Variants in CHD9 observed in about 807,000 individuals in gnomAD.
CHD9 encodes ATP-dependent chromatin remodeler CHD9.
CHD9 carries 77 observed loss-of-function variants against 316.1 expected under a neutral mutation model. The ratio of observed to expected loss-of-function variants is 0.24; its 90% CI spans 0.20 to 0.29. The LOEUF (loss-of-function observed/expected upper bound fraction) is 0.29. Among genes scored for constraint, CHD9 ranks in the 10% least tolerant of loss-of-function variants. CHD9 has a pLI of 1.00. For synonymous variants in CHD9, 1,129 were observed against 1,158.3 expected (o/e 0.97, Z 0.51); for missense variants, 2,763 against 3,438.1 (o/e 0.80, Z 4.91).
chr16:53,174,640 A>G (rs754241794), intron 2 of CHD9, among the ~76,000 whole-genome samples: 1 of 151,828 alleles, frequency 6.6e-6, no homozygotes, highest in Non-Finnish European at 1.5e-5. Context: ...ACAGAGCCTC[A>G]CTCTGTCACC....
intron 20 of CHD9, among the ~76,000 whole-genome samples, chr16:53,264,285 C>T (rs2051433445): frequency 6.6e-6 from 1 of 151,868 alleles, no homozygotes; most frequent in Admixed American, 6.6e-5. Context: ...ACTCAGGAAT[C>T]GGCCCTGCAG....
chr16:53,183,854 T>G (rs368840375), intron 2 of CHD9, among the ~76,000 whole-genome samples: 8 of 152,262 alleles, frequency 5.3e-5, no homozygotes, highest in African/African-American at 1.7e-4. Context: ...TTGTTAATCT[T>G]TCCAAACTTT....
intron 2 of CHD9, among the ~76,000 whole-genome samples, chr16:53,195,098 A>C (rs1001207087): frequency 6.6e-6 from 1 of 152,160 alleles, no homozygotes; most frequent in African/African-American, 2.4e-5. Flanking sequence ...AAAATACACA[A>C]ATTAAAAGTG....
intron 2 of CHD9, among the ~76,000 whole-genome samples, chr16:53,174,687 C>T (rs1038570785): frequency 3.4e-4 from 51 of 152,160 alleles, no homozygotes; most frequent in African/African-American, 1.2e-3. Flanking sequence ...TGGCTCTGTG[C>T]AGCTTCAATG....
At position 53,089,047 on chromosome 16, in the gene CHD9, G is replaced by A. The variant is rs577016230; in HGVS notation, c.-165+33970G>A. On this transcript the variant is annotated intron_variant, in intron 1 of 38. Coordinates refer to ENST00000447540, the MANE Select transcript of CHD9 (RefSeq NM_001308319.2). ...GAATCGCTTGAACCTGGGAGGCGGAGGTTGCAGTGAGCCGAGATCGTGCCA... is the reference window on the plus strand; with the variant it reads ...GAATCGCTTGAACCTGGGAGGCGGAAGTTGCAGTGAGCCGAGATCGTGCCA... 7.0e-4 allele frequency among the ~76,000 whole-genome samples: 106 copies of A among 152,238 alleles called. 1 individual carries two copies. Among genetic ancestry groups the A allele is most frequent in the African/African-American group, 2.5e-3 (103 of 41,552 alleles).
intron 12 of CHD9, among the ~76,000 whole-genome samples, chr16:53,239,563 C>G (rs557886149): frequency 6.6e-6 from 1 of 152,204 alleles, no homozygotes; most frequent in South Asian, 2.1e-4. Flanking sequence ...AAAGGTTTAT[C>G]TCCTGGCACC....
chr16:53,222,888 G>A (rs1365294831), intron 4 of CHD9, 133 bp downstream of exon 4: 1 of 540,918 alleles, frequency 1.8e-6, no homozygotes, highest in East Asian at 3.1e-5. Flanking sequence ...GTTGAAGGTA[G>A]CATTATTACA....
At chr16:53,127,926 G>T in intron 1 of CHD9, among the ~76,000 whole-genome samples, 1 of 128,444 alleles carries the variant, frequency 7.8e-6, no homozygotes, top group African/African-American at 2.9e-5. Context: ...CTGGCCGACA[G>T]AGTGAGACTC....
At chr16:53,129,178 A>C (rs536801845) in intron 1 of CHD9, among the ~76,000 whole-genome samples, 3 of 152,236 alleles carry the variant, frequency 2.0e-5, no homozygotes, top group African/African-American at 7.2e-5. Context: ...GGCTGCATTC[A>C]AGAAAACACG....
At chr16:53,128,691 C>T (rs1038082450) in intron 1 of CHD9, among the ~76,000 whole-genome samples, 2 of 152,182 alleles carry the variant, frequency 1.3e-5, no homozygotes, top group African/African-American at 4.8e-5. Flanking sequence ...TCAGAGCCAA[C>T]CTCTGCAACA....
intron 34 of CHD9, among the ~76,000 whole-genome samples, chr16:53,313,586 G>A (rs1267947694): frequency 2.0e-5 from 3 of 151,946 alleles, no homozygotes; most frequent in South Asian, 2.1e-4. Context: ...GATTACAGGC[G>A]TGAGCCACTA....
chr16:53,273,991 A>C (rs780310460), intron 23 of CHD9, among the ~76,000 whole-genome samples: 1 of 152,144 alleles, frequency 6.6e-6, no homozygotes, highest in African/African-American at 2.4e-5. Flanking sequence ...CTGGCCTCCA[A>C]ATGAGCTCAT....
intron 1 of CHD9, among the ~76,000 whole-genome samples, chr16:53,131,557 G>A (rs910740871): frequency 4.6e-5 from 7 of 151,428 alleles, no homozygotes; most frequent in African/African-American, 1.7e-4. Context: ...CCGGGGTCGG[G>A]ACACGGCAGC....
intron 28 of CHD9, 117 bp from the exon 29 acceptor site, chr16:53,292,714 AAT>A (rs2054446180): frequency 1.3e-6 from 1 of 746,388 alleles, no homozygotes; most frequent in East Asian, 2.7e-5. Context: ...TAGGATGAGA[AAT>A]ATGTTTTTTT....
chr16:53,076,519 G>A (rs2152525409), intron 1 of CHD9, among the ~76,000 whole-genome samples: 1 of 152,194 alleles, frequency 6.6e-6, no homozygotes, highest in South Asian at 2.1e-4. Flanking sequence ...AGGTTGCAAT[G>A]AGCCGAGATC....
At chr16:53,301,911 G>A (rs2055474446) in intron 30 of CHD9, among the ~76,000 whole-genome samples, 1 of 151,520 alleles carries the variant, frequency 6.6e-6, no homozygotes, top group Admixed American at 6.6e-5. Flanking sequence ...ACTACAGGTG[G>A]CTGCCACCAC....
intron 4 of CHD9, among the ~76,000 whole-genome samples, chr16:53,223,822 G>A (rs1322247573): frequency 6.6e-6 from 1 of 151,824 alleles, no homozygotes; most frequent in Non-Finnish European, 1.5e-5. Flanking sequence ...CTACATTATT[G>A]ATATATTTGA....
Position 53,293,550 on chromosome 16 carries a change from G to A in CHD9, c.5510+498G>A, listed in dbSNP as rs114555083. ...AGTATCACCTGAGCCCAGAAGGTCC[G>A]TGCTGCAGTGAGATGTGATTGTACC... On this transcript the variant is annotated intron_variant, in intron 29 of 38. Transcript: ENST00000447540. 4.1e-3 allele frequency among the ~76,000 whole-genome samples: 619 copies of A among 152,162 alleles called. 4 individuals are homozygous for A. The highest frequency in any genetic ancestry group is 0.014 in the African/African-American group (590 of 41,508).
chr16:53,317,088 C>T (rs775520981), intron 36 of CHD9, among the ~76,000 whole-genome samples: 2 of 146,414 alleles, frequency 1.4e-5, no homozygotes, highest in African/African-American at 2.5e-5. Context: ...CCCAGCTACT[C>T]GAGAGGCTGA....
Sources: allele counts gnomAD v4.1 joint callset (sites outside exome capture counted in the v4.1 genomes callset), GRCh38; gene constraint gnomAD v4.1.1; transcripts MANE v1.5; gene names NCBI Gene and HGNC (gene_info 2026-07-23, HGNC 2026-07-21).